Variants in SHLD2 observed in about 807,000 individuals in gnomAD.
SHLD2 encodes the protein shieldin complex subunit 2.
A neutral mutation model predicts 73.2 loss-of-function variants in SHLD2; 30 were observed. The observed-to-expected ratio is 0.41, with a 90% confidence interval of 0.31 to 0.56. The LOEUF is 0.56. Ranked by LOEUF, SHLD2 falls within the 20% of genes least tolerant of loss-of-function variation. The pLI is 0.28. For synonymous variants in SHLD2, 285 were observed against 370.1 expected (o/e 0.77, Z 2.64); for missense variants, 745 against 1,055.9 (o/e 0.71, Z 4.08).
intron 2 of SHLD2, among the ~76,000 whole-genome samples, chr10:87,148,709 C>T (rs967102458): frequency 2.0e-5 from 3 of 151,874 alleles, no homozygotes; most frequent in Non-Finnish European, 4.4e-5. Context: ...CACCATTGCA[C>T]TCCAGCCTGG....
chr10:87,122,838 C>G (rs1214642007), intron 2 of SHLD2, among the ~76,000 whole-genome samples: 1 of 152,172 alleles, frequency 6.6e-6, no homozygotes, highest in Non-Finnish European at 1.5e-5. Flanking sequence ...AGTGCAGTGG[C>G]TTGATCTTGG....
Position 87,114,788 on chromosome 10 carries a change from A to G in SHLD2, c.-6+17799A>G, listed in dbSNP as rs546681968. Among the ~76,000 whole-genome samples the G allele has an allele frequency of 5.5e-3, 839 of 152,264 alleles. 8 individuals carry two copies. The highest frequency in any genetic ancestry group is 0.019 in the African/African-American group (805 of 41,560). ...CTCTAGGGAAGAAATAACAATAGCT[A>G]TATTATGACATAGTAGTGAGTTGAA... On this transcript the variant is annotated intron_variant, in intron 2 of 9. Coordinates refer to ENST00000298786, the MANE Select transcript of SHLD2 (RefSeq NM_001330112.2).
intron 4 of SHLD2, among the ~76,000 whole-genome samples, chr10:87,163,060 T>C: frequency 6.6e-6 from 1 of 151,980 alleles, no homozygotes. Context: ...AATTGCAAAA[T>C]ATATAGGAGA....
chr10:87,106,583 A>G (rs1842611349), intron 2 of SHLD2, among the ~76,000 whole-genome samples: 1 of 152,152 alleles, frequency 6.6e-6, no homozygotes, highest in Non-Finnish European at 1.5e-5. Context: ...TTTACTATTG[A>G]CAGCTTTTAA....
intron 2 of SHLD2, among the ~76,000 whole-genome samples, chr10:87,105,781 T>C (rs368944589): frequency 1.3e-5 from 2 of 152,194 alleles, no homozygotes; most frequent in South Asian, 4.1e-4. Flanking sequence ...AAACAGCAGT[T>C]TCCTCCTGTG....
intron 2 of SHLD2, among the ~76,000 whole-genome samples, chr10:87,109,909 A>G (rs1053427214): frequency 5.3e-5 from 8 of 152,226 alleles, no homozygotes; most frequent in Admixed American, 1.3e-4. Context: ...ATACACACAT[A>G]TAAACACTCA....
chr10:87,172,713 TATC>T (rs1352375406), intron 6 of SHLD2, among the ~76,000 whole-genome samples: 7 of 152,028 alleles, frequency 4.6e-5, no homozygotes, highest in Non-Finnish European at 1.0e-4. Flanking sequence ...GAAAATATGT[TATC>T]ATATAATAAA....
chr10:87,165,639 G>A (rs1338221218), intron 4 of SHLD2, among the ~76,000 whole-genome samples: 2 of 152,148 alleles, frequency 1.3e-5, no homozygotes, highest in African/African-American at 4.8e-5. Flanking sequence ...AAAAGACTGA[G>A]AAACTCTTAT....
intron 2 of SHLD2, among the ~76,000 whole-genome samples, chr10:87,150,695 C>T (rs1845949976): frequency 6.6e-6 from 1 of 151,562 alleles, no homozygotes; most frequent in Non-Finnish European, 1.5e-5. Flanking sequence ...GGGAGGCGGA[C>T]GTTGCAGTGA....
chr10:87,161,793 A>G lies in SHLD2; in HGVS notation c.1633+3638A>G, dbSNP rs1328180276. ...GCTCATAGGGGAAAACAGACATGCA[A>G]GAATAGCTAGGAAAAGACTGACAAA... On this transcript the variant is annotated intron_variant, in intron 4 of 9. Transcript: ENST00000298786. Among the ~76,000 whole-genome samples the G allele has an allele frequency of 7.2e-5, 11 of 152,210 alleles. No homozygotes were observed. The East Asian group carries it at 1.7e-3, about 24-fold the overall frequency.
Position 87,152,516 on chromosome 10 carries a change from C to T in SHLD2, c.1162C>T (p.Gln388Ter). Residue 388 changes from glutamine (Q) to a stop codon, truncating the protein, a stop_gained, in exon 3 of 10, where the codon CAG becomes TAG. Transcript: ENST00000298786. LOFTEE classifies it high-confidence loss of function. ...RSCTSEDKVGQSEALSRVLQV... is the reference protein window; with the variant it reads ...RSCTSEDKVG ...CTGTACCTCTGAAGATAAAGTGGGC[C>T]AGTCTGAAGCTCTATCTAGAGTCCT... 1 of 1,611,826 alleles carries T rather than the reference C, an allele frequency of 6.2e-7. No homozygotes were observed. The highest frequency in any genetic ancestry group is 8.5e-7 in the Non-Finnish European group (1 of 1,179,844).
chr10:87,120,590 G>A (rs1843550745), intron 2 of SHLD2, among the ~76,000 whole-genome samples: 1 of 152,100 alleles, frequency 6.6e-6, no homozygotes, highest in African/African-American at 2.4e-5. Context: ...GTGGCACATA[G>A]TAGGCACACA....
chr10:87,118,197 C>T (rs531772081), intron 2 of SHLD2, among the ~76,000 whole-genome samples: 83 of 152,290 alleles, frequency 5.5e-4, no homozygotes, highest in African/African-American at 1.8e-3. Context: ...GTTCTCAAGC[C>T]TATAACCAGT....
At position 87,184,244 on chromosome 10, in the gene SHLD2, T is replaced by C. The variant is rs569198367; in HGVS notation, c.2400-2841T>C. On this transcript the variant is annotated intron_variant, in intron 8 of 9. Transcript: ENST00000298786. The stretch of plus-strand genomic sequence containing the variant: ...ATTAGCAAGTCCTAGGAATTTTCAT[T>C]CAGAACTATATCACAAATTCATCCA... 6.9e-4 allele frequency among the ~76,000 whole-genome samples: 105 copies of C among 152,212 alleles called. 2 individuals carry two copies. Among genetic ancestry groups the C allele is most frequent in the South Asian group, 5.6e-3 (27 of 4,810 alleles).
At chr10:87,121,616 C>T (rs1008037202) in intron 2 of SHLD2, among the ~76,000 whole-genome samples, 5 of 151,962 alleles carry the variant, frequency 3.3e-5, no homozygotes, top group African/African-American at 1.2e-4. Flanking sequence ...TCATATAATT[C>T]ATGGCTTTTG....
chr10:87,105,472 G>A (rs1842537782), intron 2 of SHLD2, among the ~76,000 whole-genome samples: 1 of 152,200 alleles, frequency 6.6e-6, no homozygotes, highest in Non-Finnish European at 1.5e-5. Context: ...GTCAGCTCAG[G>A]AAATTGGACC....
At chr10:87,115,720 G>A (rs1454186571) in intron 2 of SHLD2, among the ~76,000 whole-genome samples, 1 of 152,110 alleles carries the variant, frequency 6.6e-6, no homozygotes, top group African/African-American at 2.4e-5. Context: ...GAGGATGAAA[G>A]GTCAAGAATT....
chr10:87,137,617 A>G (rs1188083934), intron 2 of SHLD2, among the ~76,000 whole-genome samples: 4 of 152,098 alleles, frequency 2.6e-5, no homozygotes, highest in Non-Finnish European at 4.4e-5. Flanking sequence ...TCAGAAGGAG[A>G]GAAGAGAATG....
chr10:87,111,165 A>T (rs1842896286), intron 2 of SHLD2, among the ~76,000 whole-genome samples: 1 of 151,408 alleles, frequency 6.6e-6, no homozygotes. Context: ...ATTTTTTTAA[A>T]GTTTTTATTT....
Sources: gnomAD v4.1 joint callset for allele counts (sites outside exome capture counted in the v4.1 genomes callset) on GRCh38, gnomAD v4.1.1 for gene constraint, MANE v1.5 for transcripts, NCBI Gene and HGNC (gene_info 2026-07-23, HGNC 2026-07-21) for gene names.